SLC14A2: variants seen among roughly 807,000 people sequenced by gnomAD.
SLC14A2 encodes the protein solute carrier family 14 member 2, also known as urea transporter 2.
SLC14A2 carries 91 observed loss-of-function variants against 104.6 expected under a neutral mutation model. That is an observed-to-expected ratio of 0.87 (90% confidence interval 0.73 to 1.04). SLC14A2 has a LOEUF of 1.04. SLC14A2 is among the 50% of genes least tolerant of loss of function. The pLI, the probability that SLC14A2 is intolerant of heterozygous loss-of-function variation, is 0.00. For missense variants in SLC14A2, 1,189 were observed against 1,156.0 expected (o/e 1.03, Z -0.41); for synonymous variants, 476 against 466.4 (o/e 1.02, Z -0.27).
chr18:45,646,786 G>A (rs1552325), intron 10 of SLC14A2: 75,484 of 151,480 alleles, frequency 0.5, 19,008 homozygotes, highest in African/African-American at 0.54. Context: ...GTAGGTAAAA[G>A]ATCTCTAAAC....
At chr18:45,596,823 T>C (rs2044723947) in intron 2 of SLC14A2, among the ~76,000 whole-genome samples, 2 of 152,320 alleles carry the variant, frequency 1.3e-5, no homozygotes, top group Middle Eastern at 3.4e-3. Flanking sequence ...CAGTGTTTAA[T>C]TGATCAACTG....
At position 45,444,558 on chromosome 18, in the gene SLC14A2, G is replaced by A. The variant is rs147142729; in HGVS notation, c.-124-38675G>A. ...CATATTTAAAAAGGAGTGAGTTGCC[G>A]TTGGATGGAAACCTGAACTGGGCTT... On this transcript the variant is annotated intron_variant, in intron 1 of 20. Transcript: ENST00000586448. Among the ~76,000 whole-genome samples, 611 of 152,320 alleles carry A rather than the reference G, an allele frequency of 4.0e-3. 5 individuals are homozygous for A. The highest frequency in any genetic ancestry group is 0.023 in the South Asian group (111 of 4,824).
At chr18:45,641,776 T>G (rs1331068811) in intron 8 of SLC14A2, among the ~76,000 whole-genome samples, 1 of 152,194 alleles carries the variant, frequency 6.6e-6, no homozygotes, top group African/African-American at 2.4e-5. Flanking sequence ...TTACTAAGGC[T>G]GCAGCGTCCA....
intron 5 of SLC14A2, 44 bp from the exon 6 acceptor site, chr18:45,636,946 T>G: frequency 6.6e-7 from 1 of 1,519,912 alleles, no homozygotes; most frequent in Non-Finnish European, 9.1e-7. Flanking sequence ...AATGTAGACC[T>G]CAGGATGTCA....
chr18:45,219,787 A>G (rs896008918), intron 1 of SLC14A2, among the ~76,000 whole-genome samples: 1 of 152,224 alleles, frequency 6.6e-6, no homozygotes, highest in African/African-American at 2.4e-5. Flanking sequence ...ACAGAGAGGC[A>G]GGAAAATACA....
chr18:45,300,486 G>A (rs1425569954), intron 1 of SLC14A2, among the ~76,000 whole-genome samples: 8 of 151,152 alleles, frequency 5.3e-5, no homozygotes, highest in African/African-American at 9.7e-5. Flanking sequence ...TCCATTTCAC[G>A]TGAAACTAAT....
chr18:45,190,698 C>T, the SLC14A2 span, among the ~76,000 whole-genome samples: 4 of 152,252 alleles, frequency 2.6e-5, no homozygotes, highest in East Asian at 1.9e-4. Context: ...AAGTCTACCC[C>T]GCCAGTTTAG....
chr18:45,294,329 C>G (rs1251122556), intron 1 of SLC14A2, among the ~76,000 whole-genome samples: 2 of 152,154 alleles, frequency 1.3e-5, no homozygotes, highest in Non-Finnish European at 2.9e-5. Flanking sequence ...CTCTTAACTT[C>G]TAAATACAGT....
chr18:45,415,045 G>A (rs2086261820), intron 1 of SLC14A2, among the ~76,000 whole-genome samples: 1 of 151,876 alleles, frequency 6.6e-6, no homozygotes, highest in African/African-American at 2.4e-5. Flanking sequence ...GTTATTTTGA[G>A]AATTTTAGAC....
At chr18:45,404,416 C>T (rs1345797353) in intron 1 of SLC14A2, among the ~76,000 whole-genome samples, 1 of 152,200 alleles carries the variant, frequency 6.6e-6, no homozygotes, top group Non-Finnish European at 1.5e-5. Context: ...ATTTGAATGA[C>T]TCCTGACTTC....
chr18:45,389,093 G>A (rs1419576561), intron 1 of SLC14A2, among the ~76,000 whole-genome samples: 1 of 152,174 alleles, frequency 6.6e-6, no homozygotes, highest in African/African-American at 2.4e-5. Context: ...TTCATAAAAT[G>A]TATGACACCT....
intron 1 of SLC14A2, among the ~76,000 whole-genome samples, chr18:45,303,403 G>A (rs147124850): frequency 1.3e-4 from 20 of 152,244 alleles, no homozygotes; most frequent in East Asian, 3.9e-4. Flanking sequence ...GTTACAGTTC[G>A]TCCACAAGGA....
chr18:45,234,980 A>T (rs62092155), intron 1 of SLC14A2, among the ~76,000 whole-genome samples: 26,939 of 152,126 alleles, frequency 0.18, 2,439 homozygotes, highest in Middle Eastern at 0.22. Context: ...GTAGAACTTT[A>T]GGTGTTTTTC....
intron 10 of SLC14A2, chr18:45,647,978 T>C (rs920735450): frequency 8.5e-5 from 13 of 152,126 alleles, no homozygotes; most frequent in Non-Finnish European, 1.3e-4. Context: ...ATTCAATTTC[T>C]CTATGTTCTT....
At chr18:45,330,736 C>CTTGTATTAG (rs1015527706) in intron 1 of SLC14A2, among the ~76,000 whole-genome samples, 1 of 152,186 alleles carries the variant, frequency 6.6e-6, no homozygotes, top group Non-Finnish European at 1.5e-5. Flanking sequence ...ATTTCCAATT[C>CTTGTATTAG]AGAAAGTCTT....
At chr18:45,270,671 T>C (rs1397635734) in intron 1 of SLC14A2, among the ~76,000 whole-genome samples, 2 of 152,150 alleles carry the variant, frequency 1.3e-5, no homozygotes, top group East Asian at 1.9e-4. Flanking sequence ...TAACTGGCAC[T>C]GATAAAGAAA....
At chr18:45,555,844 G>T (rs1370810918) in intron 2 of SLC14A2, among the ~76,000 whole-genome samples, 1 of 152,146 alleles carries the variant, frequency 6.6e-6, no homozygotes, top group Non-Finnish European at 1.5e-5. Flanking sequence ...GGATTCTGGG[G>T]GTGTAAACAG....
chr18:45,297,663 T>TG (rs1348270054), intron 1 of SLC14A2, among the ~76,000 whole-genome samples: 2 of 129,192 alleles, frequency 1.5e-5, no homozygotes, highest in Non-Finnish European at 3.3e-5. Flanking sequence ...GATGGCTCAC[T>TG]GGAAAAAAAA....
chr18:45,619,069 C>T (rs1433102167), intron 1 of SLC14A2, among the ~76,000 whole-genome samples: 2 of 152,240 alleles, frequency 1.3e-5, no homozygotes, highest in African/African-American at 4.8e-5. Flanking sequence ...CAGTCTGGTT[C>T]TCACACCCTA....
Sources: allele counts gnomAD v4.1 joint callset (sites outside exome capture counted in the v4.1 genomes callset), GRCh38; gene constraint gnomAD v4.1.1; transcripts MANE v1.5; gene names NCBI Gene and HGNC (gene_info 2026-07-23, HGNC 2026-07-21).